Variants in MELTF observed in about 807,000 individuals in gnomAD.
MELTF encodes antigen p97 (melanoma associated) identified by monoclonal antibodies 133.2 and 96.5.
MELTF carries 67 observed loss-of-function variants against 83.7 expected under a neutral mutation model. The observed-to-expected ratio is 0.80, with a 90% CI of 0.66 to 0.98. The LOEUF (loss-of-function observed/expected upper bound fraction) is 0.98, where lower values mean the gene tolerates loss of function less well. Ranked by LOEUF, MELTF falls within the 50% of genes least tolerant of loss-of-function variation. The pLI is 0.00. For missense variants in MELTF, 1,002 were observed against 1,035.6 expected, an observed-to-expected ratio of 0.97 and a Z score of 0.44; for synonymous variants, 462 against 447.6, an observed-to-expected ratio of 1.03 and a Z score of -0.41.
At chr3:197,026,963 T>TA (rs947904419) in intron 2 of MELTF, 1,624 of 503,982 alleles carry the variant, frequency 3.2e-3, no homozygotes, top group Non-Finnish European at 3.7e-3. Context: ...CTAATAATGT[T>TA]AAAAAAAAAA....
intron 6 of MELTF, among the ~76,000 whole-genome samples, chr3:197,020,360 C>A (rs1382113413): frequency 6.6e-6 from 1 of 152,166 alleles, no homozygotes; most frequent in African/African-American, 2.4e-5. Context: ...AGGATTGTAT[C>A]AAAGTTGCGT....
rs1187151870 is a variant in MELTF, at chr3:197,006,728, A to C, written c.1759T>G (p.Ser587Ala). The stretch of plus-strand genomic sequence containing the variant: ...CTGAGCTCAGCAGCCCAGGGCTCGG[A>C]ATTGTGGCCTGAGGGGGGTAAAGCA... The part of the protein sequence containing the change: ...TVFDNTNGHN[S>A]EPWAAELRSE... The change falls in exon 14 of 16, where the codon TCC (serine) becomes GCC (alanine). Residue 587 changes from serine to alanine, a missense_variant. Physicochemically the swap from Ser to Ala is moderately conservative, Grantham distance 99. Coordinates refer to ENST00000296350, the MANE Select transcript of MELTF (RefSeq NM_005929.6). This position sits in a 1 kb window ranked among gnomAD's most constrained non-coding sequence, Gnocchi z 5.4. 5.9e-6 allele frequency: 9 copies of C among 1,530,838 alleles called. No individual in the cohort carries two copies. Among genetic ancestry groups the C allele is most frequent in the Non-Finnish European group, 7.9e-6 (9 of 1,141,204 alleles). 94.8% of individuals were successfully genotyped at this position (1,530,838 alleles called of 1,614,324 possible).
At chr3:197,023,892 T>C (rs1278844444) in intron 4 of MELTF, 5 of 462,016 alleles carry the variant, frequency 1.1e-5, no homozygotes, top group African/African-American at 9.9e-5. Context: ...TGGGTGCAAG[T>C]CGGCACCTCG....
intron 4 of MELTF, chr3:197,023,904 T>C: frequency 2.1e-6 from 1 of 466,112 alleles, no homozygotes; most frequent in Non-Finnish European, 4.3e-6. Context: ...GGCACCTCGT[T>C]TGGGTCCTGA....
rs1378619321 is a variant in MELTF at position 197,027,925 on chromosome 3, C to G, written c.50-15G>C. 3 of 1,554,092 alleles carry G rather than the reference C, an allele frequency of 1.9e-6. No individual in the cohort carries two copies. The South Asian group carries it at 3.4e-5, about 18-fold the overall frequency. On this transcript the variant is annotated splice_polypyrimidine_tract_variant and intron_variant, in intron 1 of 15. Transcript: ENST00000296350. ...GCCACCGAGCACTGCGGGCAGGGGA[C>G]CGTGAGGCCCGGCTCCCCCGCCCTG...
intron 8 of MELTF, 97 bp downstream of exon 8, chr3:197,016,092 G>C: frequency 8.9e-7 from 1 of 1,121,072 alleles, no homozygotes. Flanking sequence ...AGGCCTCCCT[G>C]GTGAGCGTCT....
intron 6 of MELTF, among the ~76,000 whole-genome samples, chr3:197,017,592 G>A (rs1719432986): frequency 6.6e-6 from 1 of 152,148 alleles, no homozygotes; most frequent in African/African-American, 2.4e-5. Flanking sequence ...AAATAAGAAA[G>A]GCTGGCCGGG....
chr3:197,006,633 G>T lies in MELTF; in HGVS notation c.1854C>A (p.Asn618Lys). The change falls in exon 14 of 16, where the codon AAC (asparagine) becomes AAA (lysine). Residue 618 changes from asparagine (N) to lysine (K), a missense_variant. Coordinates refer to ENST00000296350, the MANE Select transcript of MELTF (RefSeq NM_005929.6). The surrounding 1 kb of genome is among the most constrained non-coding windows in gnomAD (Gnocchi z 5.4). The part of the protein sequence containing the change: ...RAEVSQFAAC[N>K]LAQIPPHAVM... ...CGGCGTGGGGTGGTATCTGTGCCAG[G>T]TTGCAGGCTGCAAACTGGGACACCT... The T allele has an allele frequency of 6.2e-7, 1 of 1,612,308 alleles. No individual in the cohort carries two copies. Among genetic ancestry groups the T allele is most frequent in the Non-Finnish European group, 8.5e-7 (1 of 1,179,110 alleles).
intron 14 of MELTF, among the ~76,000 whole-genome samples, chr3:197,005,435 A>T (rs1718940069): frequency 6.6e-6 from 1 of 152,186 alleles, no homozygotes; most frequent in South Asian, 2.1e-4. Context: ...TGAAGATGTA[A>T]ATTTAGAAGC....
rs1719869191 is a variant in MELTF at position 197,026,679 on chromosome 3, C to T, written c.285G>A (p.Val95=). The T allele has an allele frequency of 6.2e-7, 1 of 1,613,400 alleles. No individual in the cohort carries two copies. Among genetic ancestry groups the T allele is most frequent in the Non-Finnish European group, 8.5e-7 (1 of 1,179,998 alleles). The change falls in exon 3 of 16, where the codon GTG becomes GTA. Residue 95 remains valine (V), a synonymous_variant. Coordinates refer to ENST00000296350, the MANE Select transcript of MELTF (RefSeq NM_005929.6). ...TCTTACCTTGATCGTACACTTCGCCCACCACCGGCTTCAGGCCGTGCTCCT... is the reference window on the plus strand; with the variant it reads ...TCTTACCTTGATCGTACACTTCGCCTACCACCGGCTTCAGGCCGTGCTCCT... ...AGKEHGLKPV[V]GEVYDQEVGT... is the part of the protein sequence containing the mutation.
rs761046953 is a variant in MELTF, at chr3:197,021,409, G to A, written c.707C>T (p.Thr236Met). 30 of 1,613,804 alleles carry A rather than the reference G, an allele frequency of 1.9e-5. No individual in the cohort carries two copies. Among genetic ancestry groups the A allele is most frequent in the Admixed American group, 1.8e-4 (11 of 59,996 alleles). The stretch of plus-strand genomic sequence containing the variant: ...CGTGCCCCTCCCCCACTCACCATCC[G>A]TGTTCTCCAGTACCGTGCTGTGCTT... ...FVKHSTVLENTDGKTLPSWGQ... is the reference protein window; with the variant it reads ...FVKHSTVLENMDGKTLPSWGQ... Residue 236 changes from threonine (T) to methionine (M), a missense_variant, in exon 6 of 16, where the codon ACG (threonine) becomes ATG (methionine). Physicochemically the swap from Thr to Met is moderately conservative, Grantham distance 81. Coordinates refer to ENST00000296350, the MANE Select transcript of MELTF (RefSeq NM_005929.6).
chr3:197,009,078 G>T, intron 11 of MELTF, 113 bp from the exon 12 acceptor site: 1 of 1,257,690 alleles, frequency 8.0e-7, no homozygotes, highest in Non-Finnish European at 1.1e-6. Flanking sequence ...ACACTGCAAG[G>T]CCACCTGTCT....
chr3:197,017,691 C>A (rs1338872783), intron 6 of MELTF, among the ~76,000 whole-genome samples: 2 of 152,108 alleles, frequency 1.3e-5, no homozygotes, highest in African/African-American at 2.4e-5. Context: ...TCCTGGCTAA[C>A]ACGGTGAAAC....
chr3:197,017,906 G>A (rs1228994842), intron 6 of MELTF, among the ~76,000 whole-genome samples: 1 of 152,148 alleles, frequency 6.6e-6, no homozygotes, highest in Non-Finnish European at 1.5e-5. Flanking sequence ...GGGTGAGACA[G>A]ATGAATGTAC....
chr3:197,010,227 G>C (rs932545000), intron 10 of MELTF, among the ~76,000 whole-genome samples: 2 of 152,316 alleles, frequency 1.3e-5, no homozygotes, highest in African/African-American at 4.8e-5. Context: ...CCAGTAAGAG[G>C]ACAGAGGCCA....
chr3:197,012,069 C>T (rs112341952), intron 9 of MELTF, among the ~76,000 whole-genome samples: 3,071 of 152,322 alleles, frequency 0.02, 43 homozygotes, highest in South Asian at 0.035. Flanking sequence ...CCTCTGTCAC[C>T]GTCACACACA....
rs773058891 is a variant in MELTF at position 197,024,259 on chromosome 3, A to T, written c.487+44T>A. ...GGGACGAGCATGGGCCAAGGAAAGG[A>T]GGGGGAGGCCTGGGGACCCTCCTGC... On this transcript the variant is annotated intron_variant, in intron 4 of 15. Coordinates refer to ENST00000296350, the MANE Select transcript of MELTF (RefSeq NM_005929.6). The surrounding 1 kb of genome is among the most constrained non-coding windows in gnomAD (Gnocchi z 5.3). 6.6e-7 allele frequency: 1 copy of T among 1,510,798 alleles called. No individual in the cohort carries two copies. The highest frequency in any genetic ancestry group is 2.2e-5 in the Admixed American group (1 of 46,324). 93.6% of individuals were successfully genotyped at this position (1,510,798 alleles called of 1,614,324 possible).
In MELTF at chr3:197,008,952, G is replaced by T; in HGVS notation, c.1539C>A (p.Phe513Leu). Reference protein sequence around the residue: ...DCDVLTAVSEFFNASCVPVNN... With the variant: ...DCDVLTAVSELFNASCVPVNN... ...TCACGGGCACGCAGCTGGCATTGAA[G>T]AACTCGCTCACTGCTGGGGTGGAGG... is the stretch of plus-strand genomic sequence containing the variant. The change falls in exon 12 of 16, where the codon TTC becomes TTA. Residue 513 changes from phenylalanine to leucine, a missense_variant. Physicochemically the swap from Phe to Leu is conservative, Grantham distance 22. Coordinates refer to ENST00000296350, the MANE Select transcript of MELTF (RefSeq NM_005929.6). This position sits in a 1 kb window ranked among gnomAD's most constrained non-coding sequence, Gnocchi z 5.4. The T allele has an allele frequency of 6.2e-7, 1 of 1,613,968 alleles. No homozygotes were observed. The highest frequency in any genetic ancestry group is 8.5e-7 in the Non-Finnish European group (1 of 1,179,890).
At chr3:197,014,623 C>A (rs895936672) in intron 9 of MELTF, among the ~76,000 whole-genome samples, 1 of 152,102 alleles carries the variant, frequency 6.6e-6, no homozygotes, top group Non-Finnish European at 1.5e-5. Flanking sequence ...CTCCTAACCT[C>A]AAGTGATCCA....
Sources: gnomAD v4.1 joint callset for allele counts (sites outside exome capture counted in the v4.1 genomes callset) on GRCh38, gnomAD v4.1.1 for gene constraint, Gnocchi (gnomAD v3.1) non-coding constraint, MANE v1.5 for transcripts, NCBI Gene and HGNC (gene_info 2026-07-23, HGNC 2026-07-21) for gene names.